ZFR2: variants seen among roughly 807,000 people sequenced by gnomAD.
ZFR2 encodes the protein zinc finger RNA-binding protein 2.
ZFR2 carries 104 observed loss-of-function variants against 105.7 expected under a neutral mutation model. That is an observed-to-expected ratio of 0.98 (90% CI 0.84 to 1.16). ZFR2 has a LOEUF of 1.16. Among genes scored for constraint, ZFR2 ranks in the 50% most tolerant of loss-of-function variants. The probability of loss-of-function intolerance (pLI) is 0.00; values close to 1 mark genes in which losing one functional copy is unlikely to be tolerated. For synonymous variants in ZFR2, 634 were observed against 597.7 expected (o/e 1.06, Z -0.89); for missense variants, 1,425 against 1,355.5 (o/e 1.05, Z -0.80).
rs563195852 is a variant in ZFR2 at position 3,858,743 on chromosome 19, G to A, written c.53+10222C>T. ...TGAGGCAGGAGAATCACTTGAACCT[G>A]GGAGGCAGAGGTTGCAGTGAGCTGA... On this transcript the variant is annotated intron_variant, in intron 1 of 18. Transcript: ENST00000262961. The surrounding 1 kb of genome is among the most constrained non-coding windows in gnomAD (Gnocchi z 4.3). Among the ~76,000 whole-genome samples, 37 of 152,316 alleles carry A rather than the reference G, an allele frequency of 2.4e-4. No individual in the cohort carries two copies. The highest frequency in any genetic ancestry group is 4.6e-4 in the Non-Finnish European group (31 of 68,028).
chr19:3,834,498 A>G lies in ZFR2; in HGVS notation c.264+275T>C, dbSNP rs7259818. Among the ~76,000 whole-genome samples, 125,252 of 152,082 alleles carry G rather than the reference A, an allele frequency of 0.82. 52,232 individuals carry two copies. Among genetic ancestry groups the G allele is most frequent in the East Asian group, 0.98 (5,055 of 5,152 alleles). Reference sequence around the variant, plus strand: ...CCTCCTCCTTCATAGTCACTGCTGAAGCTGGGACAAAGCTCTGTGCGCCGT... The same window carrying G: ...CCTCCTCCTTCATAGTCACTGCTGAGGCTGGGACAAAGCTCTGTGCGCCGT... On this transcript the variant is annotated intron_variant, in intron 2 of 18. Transcript: ENST00000262961. The surrounding 1 kb of genome is among the most constrained non-coding windows in gnomAD (Gnocchi z 5.3).
Position 3,834,863 on chromosome 19 carries a change from A to G in ZFR2, c.174T>C (p.Gly58=), listed in dbSNP as rs375872214. The G allele has an allele frequency of 2.8e-4, 456 of 1,611,848 alleles. 5 individuals are homozygous for G. The highest frequency in any genetic ancestry group is 1.5e-3 in the Middle Eastern group (9 of 6,046). Residue 58 remains glycine (G), a synonymous_variant, in exon 2 of 19, where the codon GGT becomes GGC. Coordinates refer to ENST00000262961, the MANE Select transcript of ZFR2 (RefSeq NM_015174.2). The surrounding 1 kb of genome is among the most constrained non-coding windows in gnomAD (Gnocchi z 5.3). ...AFPPAAPAGY[G]GYQPHSGQDF... ...CCTGGCCGGAGTGGGGCTGGTATCC[A>G]CCGTACCCTGCCGGGGCAGCTGGGG...
chr19:3,831,167 T>C (rs1309901725), intron 5 of ZFR2, 136 bp downstream of exon 5: 1 of 1,275,314 alleles, frequency 7.8e-7, no homozygotes, highest in Non-Finnish European at 1.0e-6. Flanking sequence ...AGGCCATGCA[T>C]ACAACATGCA....
chr19:3,857,169 C>A (rs2038314073), intron 1 of ZFR2: 1 of 139,800 alleles, frequency 7.2e-6, no homozygotes, highest in Non-Finnish European at 1.5e-5. Context: ...CTCACTGCAA[C>A]CTCTGCCTCC....
rs1568427273 is a variant in ZFR2 at position 3,838,031 on chromosome 19, TGTGACACACGATGAACACCATGACC to T, written c.54-3073_54-3049del. 8.0e-5 allele frequency among the ~76,000 whole-genome samples: 12 copies of T among 150,002 alleles called. No homozygotes were observed. The highest frequency in any genetic ancestry group is 4.0e-4 in the East Asian group (2 of 4,954). On this transcript the variant is annotated intron_variant, in intron 1 of 18. Transcript: ENST00000262961. This position sits in a 1 kb window ranked among gnomAD's most constrained non-coding sequence, Gnocchi z 4.9. Reference sequence around the variant, plus strand: ...TGTGACACTTGATGAACACCGTGACTGTGACACACGATGAACACCATGACCGTGACACGTGATGAACACCATGACC... The same window carrying T: ...TGTGACACTTGATGAACACCGTGACTGTGACACGTGATGAACACCATGACC...
intron 1 of ZFR2, among the ~76,000 whole-genome samples, chr19:3,867,310 G>GGGGT (rs891782324): frequency 7.6e-4 from 114 of 150,004 alleles, no homozygotes; most frequent in Non-Finnish European, 1.3e-3. Context: ...CTGTTGGGGG[G>GGGGT]GGAATCTGGT....
chr19:3,820,851 G>GGGTCGGGGGACACAGGGACACTAGA (rs1568420742), intron 10 of ZFR2, among the ~76,000 whole-genome samples: 5 of 49,464 alleles, frequency 1.0e-4, no homozygotes, highest in African/African-American at 3.0e-4. Flanking sequence ...GGGACACCGG[G>GGGTCGGGGGACACAGGGACACTAGA]GGTCGGGGGA....
At chr19:3,843,775 C>T (rs1402557524) in intron 1 of ZFR2, among the ~76,000 whole-genome samples, 1 of 150,364 alleles carries the variant, frequency 6.7e-6, no homozygotes, top group Non-Finnish European at 1.5e-5. Flanking sequence ...GCGGAGCTTG[C>T]AGTGAGCAGA....
rs2037917683 is a variant in ZFR2, at chr19:3,823,499, C to T, written c.1214-96G>A. 1 of 1,286,374 alleles carries T rather than the reference C, an allele frequency of 7.8e-7. No homozygotes were observed. Among genetic ancestry groups the T allele is most frequent in the Non-Finnish European group, 1.1e-6 (1 of 946,262 alleles). The allele number at this position is 1,286,374 out of a possible 1,614,324, so 79.7% of individuals were successfully genotyped here. A position where few individuals can be genotyped will look rare whatever the true frequency, so the allele number is the denominator to read the frequency against. On this transcript the variant is annotated intron_variant, in intron 7 of 18. Coordinates refer to ENST00000262961, the MANE Select transcript of ZFR2 (RefSeq NM_015174.2). The surrounding 1 kb of genome is among the most constrained non-coding windows in gnomAD (Gnocchi z 5.4). ...GGCATGGGGTGGAGAGCCACCCAGACTGCAGGCTGTGCCATCCCCCTCCCT... is the reference window on the plus strand; with the variant it reads ...GGCATGGGGTGGAGAGCCACCCAGATTGCAGGCTGTGCCATCCCCCTCCCT...
chr19:3,824,373 G>C (rs2037927103), intron 7 of ZFR2, among the ~76,000 whole-genome samples: 1 of 152,190 alleles, frequency 6.6e-6, no homozygotes, highest in Admixed American at 6.5e-5. Context: ...ACAAAGCAGT[G>C]AGCAGACGCC....
chr19:3,810,849 CG>C lies in ZFR2; in HGVS notation c.2338-5del, dbSNP rs754128578. 1 of 1,550,020 alleles carries C rather than the reference CG, an allele frequency of 6.5e-7. No homozygotes were observed. The highest frequency in any genetic ancestry group is 8.7e-7 in the Non-Finnish European group (1 of 1,146,624). ...GCTGCAGGCCGCTGGCTCGAGCCTT[CG>C]GGGGAGAAGCACACGGTTAGCTTTC... On this transcript the variant is annotated splice_polypyrimidine_tract_variant and splice_region_variant and intron_variant, in intron 15 of 18. Coordinates refer to ENST00000262961, the MANE Select transcript of ZFR2 (RefSeq NM_015174.2).
At chr19:3,821,990 G>C in intron 9 of ZFR2, 91 bp downstream of exon 9, 1 of 1,475,520 alleles carries the variant, frequency 6.8e-7, no homozygotes, top group Non-Finnish European at 9.0e-7. Flanking sequence ...CGGATCACAC[G>C]CGCGGAAGAG....
chr19:3,850,845 C>A (rs2038230396), intron 1 of ZFR2, among the ~76,000 whole-genome samples: 1 of 140,908 alleles, frequency 7.1e-6, no homozygotes, highest in African/African-American at 2.8e-5. Context: ...ATTGAGGCTG[C>A]AGTGAGCTGT....
chr19:3,817,427 C>T (rs2037836991), intron 12 of ZFR2, among the ~76,000 whole-genome samples: 1 of 151,668 alleles, frequency 6.6e-6, no homozygotes, highest in Admixed American at 6.6e-5. Context: ...GGCATGGTGG[C>T]GGGTGCCTGT....
chr19:3,844,758 T>C (rs767493699), intron 1 of ZFR2, among the ~76,000 whole-genome samples: 12 of 152,204 alleles, frequency 7.9e-5, no homozygotes, highest in Non-Finnish European at 8.8e-5. Flanking sequence ...GTTGAATCCT[T>C]TAGATGAGTC....
rs201137604 is a variant in ZFR2, at chr19:3,821,409, C to T, written c.1562G>A (p.Arg521His). ...SSRARKVLEE[R>H]MRKQRHLAEE... ...CGCCAGGTGCCGCTGCTTCCTCATG[C>T]GCTCCTCCAGGACCTTCCGAGCCCG... Residue 521 changes from arginine to histidine, a missense_variant, in exon 10 of 19, where the codon CGC becomes CAC. Transcript: ENST00000262961. The T allele has an allele frequency of 3.7e-5, 60 of 1,611,664 alleles. No individual in the cohort carries two copies. The Admixed American group carries it at 4.5e-4, about 12-fold the overall frequency.
At chr19:3,852,541 T>C (rs764483124) in intron 1 of ZFR2, 24 of 718,454 alleles carry the variant, frequency 3.3e-5, no homozygotes, top group South Asian at 7.4e-5. Flanking sequence ...TCACTTCCAC[T>C]GCAGCCAACT....
In ZFR2 at chr19:3,818,646, C is replaced by A. The variant is rs1599225581; in HGVS notation, c.1931+399G>T. On this transcript the variant is annotated intron_variant, in intron 12 of 18. Coordinates refer to ENST00000262961, the MANE Select transcript of ZFR2 (RefSeq NM_015174.2). ...GGTTGGGAGCTGATTCACACGGGCA[C>A]TCAGTGACATGAACTACTCTGATTA... Among the ~76,000 whole-genome samples the A allele has an allele frequency of 3.3e-5, 5 of 152,298 alleles. 1 individual carries two copies. The highest frequency in any genetic ancestry group is 3.3e-4 in the Admixed American group (5 of 15,290).
chr19:3,810,378 A>C (rs1244854967), intron 16 of ZFR2, among the ~76,000 whole-genome samples: 1 of 152,200 alleles, frequency 6.6e-6, no homozygotes, highest in East Asian at 1.9e-4. Flanking sequence ...TCTCCCCTCC[A>C]GAGCAGGTGG....
Sources: allele counts gnomAD v4.1 joint callset (sites outside exome capture counted in the v4.1 genomes callset), GRCh38; gene constraint gnomAD v4.1.1; non-coding constraint Gnocchi (gnomAD v3.1); transcripts MANE v1.5; gene names NCBI Gene and HGNC (gene_info 2026-07-23, HGNC 2026-07-21).